Variants in LRSAM1 observed in about 807,000 individuals in gnomAD.
LRSAM1 encodes E3 ubiquitin-protein ligase LRSAM1.
Under a neutral mutation model 118.1 loss-of-function variants are expected in LRSAM1, and 96 were observed. The observed-to-expected ratio is 0.81, with a 90% CI of 0.69 to 0.96. The LOEUF is 0.96. LRSAM1 is among the 40% of genes least tolerant of loss of function. The probability of loss-of-function intolerance (pLI) is 0.00; values close to 1 mark genes in which losing one functional copy is unlikely to be tolerated. For missense variants in LRSAM1, 804 were observed against 915.5 expected, an observed-to-expected ratio of 0.88 and a Z score of 1.57; for synonymous variants, 322 against 364.2, an observed-to-expected ratio of 0.88 and a Z score of 1.32.
chr9:127,463,131 G>A (rs573820262), intron 9 of LRSAM1, among the ~76,000 whole-genome samples: 13 of 151,424 alleles, frequency 8.6e-5, no homozygotes, highest in African/African-American at 2.4e-4. Flanking sequence ...CCCGGGAGGC[G>A]GAGATTGCAG....
intron 2 of LRSAM1, chr9:127,454,025 G>C (rs1834419558): frequency 3.5e-6 from 1 of 284,280 alleles, no homozygotes; most frequent in Admixed American, 5.2e-5. Flanking sequence ...GAAAGACACA[G>C]CCCCTGCCTC....
rs749299792 is a variant in LRSAM1 at position 127,459,035 on chromosome 9, C to T, written c.285C>T (p.Ala95=). 9 of 1,613,714 alleles carry T rather than the reference C, an allele frequency of 5.6e-6. No homozygotes were observed. The East Asian group carries it at 2.0e-4, about 36-fold the overall frequency. Residue 95 remains alanine (A), a synonymous_variant, in exon 7 of 26, where the codon GCC becomes GCT. Transcript: ENST00000300417. ...ATCTCCACGATAATCAGCTGACAGCCCTTCCTGACGATCTGGGGCAGCTGA... is the reference window on the plus strand; with the variant it reads ...ATCTCCACGATAATCAGCTGACAGCTCTTCCTGACGATCTGGGGCAGCTGA... ...VLDLHDNQLT[A]LPDDLGQLTA...
chr9:127,455,019 G>T lies in LRSAM1; in HGVS notation c.94G>T (p.Asp32Tyr). ...TTAGGCAAAAGAAGCTGGGGCAGAT[G>T]ACATTCTCGACATCTCTAAATGTGA... ...MCLAKEAGAD[D>Y]ILDISKCELS... The change falls in exon 4 of 26, where the codon GAC becomes TAC. Residue 32 changes from aspartate (D) to tyrosine (Y), a missense_variant. Coordinates refer to ENST00000300417, the MANE Select transcript of LRSAM1 (RefSeq NM_001005373.4). 1 of 1,614,144 alleles carries T rather than the reference G, an allele frequency of 6.2e-7. No individual in the cohort carries two copies. Among genetic ancestry groups the T allele is most frequent in the South Asian group, 1.1e-5 (1 of 91,068 alleles).
intron 24 of LRSAM1, among the ~76,000 whole-genome samples, chr9:127,500,476 G>C (rs1836343559): frequency 6.6e-6 from 1 of 152,180 alleles, no homozygotes; most frequent in East Asian, 1.9e-4. Context: ...GGGGCTGGGG[G>C]CAGGGGAACA....
intron 10 of LRSAM1, among the ~76,000 whole-genome samples, chr9:127,472,540 C>G (rs1339423865): frequency 6.6e-6 from 1 of 151,988 alleles, no homozygotes; most frequent in African/African-American, 2.4e-5. Flanking sequence ...ACTCAGGAGG[C>G]TGAGGCAGGA....
chr9:127,466,511 T>TACA lies in LRSAM1; in HGVS notation c.529-1229_529-1228insACA, dbSNP rs1289068994. 3.0e-3 allele frequency among the ~76,000 whole-genome samples: 242 copies of TACA among 80,632 alleles called. 5 individuals carry two copies. The highest frequency in any genetic ancestry group is 0.014 in the African/African-American group (218 of 15,810). 52.9% of individuals were successfully genotyped at this position (80,632 alleles called of 152,430 possible). ...ATATATATATATATATATATTTTTTTTTTTTTTTTTTTTTTTTTTCCACTA... is the reference window on the plus strand; with the variant it reads ...ATATATATATATATATATATTTTTTTACATTTTTTTTTTTTTTTTTTTCCACTA... On this transcript the variant is annotated intron_variant, in intron 9 of 25. Coordinates refer to ENST00000300417, the MANE Select transcript of LRSAM1 (RefSeq NM_001005373.4).
chr9:127,475,035 T>C (rs551709638), intron 11 of LRSAM1, among the ~76,000 whole-genome samples: 2 of 148,298 alleles, frequency 1.3e-5, no homozygotes, highest in South Asian at 4.2e-4. Flanking sequence ...CTGCTGGGAA[T>C]GCATTTGGGA....
chr9:127,489,329 G>T, intron 18 of LRSAM1, 115 bp from the exon 19 acceptor site: 1 of 1,253,358 alleles, frequency 8.0e-7, no homozygotes. Flanking sequence ...CCCTCTCTCA[G>T]AAAAAACCCA....
rs1835281044 is a variant in LRSAM1, at chr9:127,474,294, G to A, written c.750+363G>A. On this transcript the variant is annotated intron_variant, in intron 11 of 25. Coordinates refer to ENST00000300417, the MANE Select transcript of LRSAM1 (RefSeq NM_001005373.4). Reference sequence around the variant, plus strand: ...TTTTTTTTCCTTTTTTTGAGACAGGGTCTTGCTCCATCACCCAGGCTGGAG... The same window carrying A: ...TTTTTTTTCCTTTTTTTGAGACAGGATCTTGCTCCATCACCCAGGCTGGAG... 2.7e-5 allele frequency among the ~76,000 whole-genome samples: 4 copies of A among 149,316 alleles called. No individual in the cohort carries two copies. In the South Asian group the frequency reaches 6.4e-4, roughly 24 times the overall value.
At chr9:127,479,088 C>T in intron 12 of LRSAM1, 125 bp downstream of exon 12, 5 of 1,001,006 alleles carry the variant, frequency 5.0e-6, no homozygotes, top group Non-Finnish European at 7.3e-6. Flanking sequence ...ATGCCTTCCT[C>T]TTACACGCAG....
At chr9:127,454,137 C>G (rs1204684040) in intron 2 of LRSAM1, 1 of 341,966 alleles carries the variant, frequency 2.9e-6, no homozygotes, top group Admixed American at 4.5e-5. Flanking sequence ...GCAGCCCCTG[C>G]CCCCGTGGAA....
At position 127,479,425 on chromosome 9, in the gene LRSAM1, G is replaced by A. The variant is rs767107676; in HGVS notation, c.823G>A (p.Glu275Lys). Residue 275 changes from glutamate (E) to lysine (K), a missense_variant, in exon 13 of 26, where the codon GAA (glutamate) becomes AAA (lysine). Physicochemically the swap from Glu to Lys is moderately conservative, Grantham distance 56 (BLOSUM62 1). Transcript: ENST00000300417. The stretch of plus-strand genomic sequence containing the variant: ...GAAACTCGAGTTTGAACGGCGCCTG[G>A]AACTGGGGCAGCGGGAGCACACCCA... The part of the protein sequence containing the change: ...LEKLEFERRL[E>K]LGQREHTQLL... The A allele has an allele frequency of 6.2e-7, 1 of 1,614,158 alleles. No homozygotes were observed. The highest frequency in any genetic ancestry group is 8.5e-7 in the Non-Finnish European group (1 of 1,180,034).
intron 2 of LRSAM1, chr9:127,454,034 T>C (rs577314075): frequency 3.6e-4 from 83 of 229,964 alleles, no homozygotes; most frequent in Non-Finnish European, 5.7e-4. Flanking sequence ...AGCCCCTGCC[T>C]CCATGGAACT....
At chr9:127,486,269 A>C (rs749085527) in intron 17 of LRSAM1, 1 of 267,602 alleles carries the variant, frequency 3.7e-6, no homozygotes, top group South Asian at 4.0e-5. Flanking sequence ...ACTGTGGTAC[A>C]CTCATCAGTG....
intron 18 of LRSAM1, among the ~76,000 whole-genome samples, 174 bp downstream of exon 18, chr9:127,487,937 G>T (rs1326504921): frequency 6.6e-6 from 1 of 151,976 alleles, no homozygotes; most frequent in South Asian, 2.1e-4. Context: ...GCTGAGGGGG[G>T]GCCCGGGGGA....
At chr9:127,496,148 G>T in intron 23 of LRSAM1, 53 bp downstream of exon 23, 1 of 1,597,356 alleles carries the variant, frequency 6.3e-7, no homozygotes, top group Non-Finnish European at 8.5e-7. Context: ...CCGCTGTCCT[G>T]ACCAGCCGGG....
intron 10 of LRSAM1, 32 bp from the exon 11 acceptor site, chr9:127,473,769 C>G (rs754546639): frequency 3.6e-5 from 58 of 1,613,860 alleles, no homozygotes; most frequent in Non-Finnish European, 4.0e-5. Flanking sequence ...TGTCTCCTCC[C>G]TCCTGGTCAG....
chr9:127,475,306 C>T (rs150684800), intron 11 of LRSAM1, among the ~76,000 whole-genome samples: 25 of 152,150 alleles, frequency 1.6e-4, no homozygotes, highest in African/African-American at 5.5e-4. Context: ...GCTTGGCCAA[C>T]GTAGTAAAAC....
chr9:127,456,387 C>A (rs1030717370), intron 5 of LRSAM1, among the ~76,000 whole-genome samples: 5 of 139,846 alleles, frequency 3.6e-5, no homozygotes, highest in African/African-American at 1.4e-4. Flanking sequence ...GCGCCCACCA[C>A]CATGCCCAAC....
Sources: allele counts gnomAD v4.1 joint callset (sites outside exome capture counted in the v4.1 genomes callset), GRCh38; gene constraint gnomAD v4.1.1; transcripts MANE v1.5; gene names NCBI Gene and HGNC (gene_info 2026-07-23, HGNC 2026-07-21).